Variants in PRSS23 observed in about 807,000 individuals in gnomAD.
PRSS23 encodes protease, serine 23.
In PRSS23, 25 loss-of-function variants were observed where a neutral mutation model predicts 34.7. The ratio of observed to expected loss-of-function variants is 0.72; its 90% CI spans 0.53 to 1.01. The LOEUF (loss-of-function observed/expected upper bound fraction) is 1.01. Ranked by LOEUF, PRSS23 falls within the 50% of genes least tolerant of loss-of-function variation. The probability of loss-of-function intolerance (pLI) is 0.00; values close to 1 mark genes in which losing one functional copy is unlikely to be tolerated. For synonymous variants in PRSS23, 176 were observed against 186.6 expected, an observed-to-expected ratio of 0.94 and a Z score of 0.46; for missense variants, 445 against 475.6, an observed-to-expected ratio of 0.94 and a Z score of 0.60.
intron 1 of PRSS23, among the ~76,000 whole-genome samples, chr11:86,818,849 A>G (rs972173116): frequency 3.3e-5 from 5 of 152,214 alleles, no homozygotes; most frequent in Non-Finnish European, 7.3e-5. Flanking sequence ...CTTAGTGTTA[A>G]TCAATACATG....
At chr11:86,894,044 C>G (rs1213500337) in intron 2 of PRSS23, among the ~76,000 whole-genome samples, 1 of 152,152 alleles carries the variant, frequency 6.6e-6, no homozygotes, top group Non-Finnish European at 1.5e-5. Flanking sequence ...GATGGAATCT[C>G]ACTCTGTCGC....
chr11:86,804,931 C>CT (rs1948081972), intron 1 of PRSS23, among the ~76,000 whole-genome samples: 1 of 152,180 alleles, frequency 6.6e-6, no homozygotes, highest in Admixed American at 6.5e-5. Flanking sequence ...CCTACTCTTT[C>CT]TCCCCCAAGA....
At chr11:86,919,132 C>T (rs547310672) in intron 2 of PRSS23, among the ~76,000 whole-genome samples, 4 of 152,316 alleles carry the variant, frequency 2.6e-5, no homozygotes, top group African/African-American at 9.6e-5. Context: ...TGCCTCATAG[C>T]TTCCCATCCC....
chr11:86,848,322 G>C (rs1182992417), intron 2 of PRSS23, among the ~76,000 whole-genome samples: 1 of 152,206 alleles, frequency 6.6e-6, no homozygotes, highest in African/African-American at 2.4e-5. Context: ...TAGTACCTTG[G>C]CCAGGTAAAC....
chr11:86,882,570 C>T (rs776258853), intron 2 of PRSS23, among the ~76,000 whole-genome samples: 5 of 151,866 alleles, frequency 3.3e-5, no homozygotes, highest in African/African-American at 4.8e-5. Context: ...TATTTCATGG[C>T]GTAAATGTAC....
Position 86,939,049 on chromosome 11 carries a change from T to C in PRSS23, c.207-12167T>C, listed in dbSNP as rs1034802193. 24 of 451,284 alleles carry C rather than the reference T, an allele frequency of 5.3e-5. 1 individual carries two copies. Among genetic ancestry groups the C allele is most frequent in the Middle Eastern group, 3.2e-4 (1 of 3,082 alleles). 28.0% of individuals were successfully genotyped at this position (451,284 alleles called of 1,614,324 possible). ...TCACATTTTTCATCCATTCTTAAAA[T>C]TGAGCCAGTTTAGCCCTAGGAGGTG... On this transcript the variant is annotated intron_variant, in intron 2 of 2. Transcript: ENST00000533902.
chr11:86,865,735 G>A (rs1024025636), intron 2 of PRSS23, among the ~76,000 whole-genome samples: 5 of 152,166 alleles, frequency 3.3e-5, no homozygotes, highest in African/African-American at 1.2e-4. Context: ...GCCAGCTCAG[G>A]TCCCTACTCC....
chr11:86,831,820 A>G (rs1948358950), intron 2 of PRSS23, among the ~76,000 whole-genome samples: 1 of 151,906 alleles, frequency 6.6e-6, no homozygotes, highest in African/African-American at 2.4e-5. Flanking sequence ...GCGGGTATAC[A>G]CCCTGTCATA....
At chr11:86,856,714 C>A (rs2134926757) in intron 2 of PRSS23, among the ~76,000 whole-genome samples, 1 of 152,220 alleles carries the variant, frequency 6.6e-6, no homozygotes, top group East Asian at 1.9e-4. Context: ...ACATTGTTTC[C>A]ATAAAGTCAA....
At chr11:86,945,151 A>G (rs1366360450) in intron 2 of PRSS23, among the ~76,000 whole-genome samples, 1 of 152,038 alleles carries the variant, frequency 6.6e-6, no homozygotes, top group Non-Finnish European at 1.5e-5. Flanking sequence ...CACTTTCCTG[A>G]TTGACAAATG....
chr11:86,879,532 G>T (rs1211148477), intron 2 of PRSS23, among the ~76,000 whole-genome samples: 2 of 128,226 alleles, frequency 1.6e-5, no homozygotes, highest in South Asian at 2.8e-4. Flanking sequence ...CAGCCGCCCC[G>T]TCCGGGAGGG....
At chr11:86,939,847 T>C (rs998509103) in intron 2 of PRSS23, among the ~76,000 whole-genome samples, 2 of 151,956 alleles carry the variant, frequency 1.3e-5, no homozygotes, top group Non-Finnish European at 2.9e-5. Context: ...GGAAAAATGT[T>C]ATACTGAATT....
At chr11:86,840,372 G>A (rs143579512) in intron 2 of PRSS23, among the ~76,000 whole-genome samples, 40 of 152,260 alleles carry the variant, frequency 2.6e-4, no homozygotes, top group African/African-American at 9.4e-4. Flanking sequence ...GACAAAGAAG[G>A]CCACTACATA....
chr11:86,948,366 A>G (rs1244876034), intron 2 of PRSS23: 1 of 152,096 alleles, frequency 6.6e-6, no homozygotes, highest in African/African-American at 2.4e-5. Flanking sequence ...GCTTTACTAC[A>G]GTCGGCACTC....
chr11:86,861,582 C>G (rs1291386930), intron 2 of PRSS23, among the ~76,000 whole-genome samples: 1 of 151,596 alleles, frequency 6.6e-6, no homozygotes, highest in Non-Finnish European at 1.5e-5. Context: ...GGGGCGGACA[C>G]CCTTCTGTGA....
chr11:86,915,952 A>G (rs1949010062), intron 2 of PRSS23, among the ~76,000 whole-genome samples: 1 of 152,058 alleles, frequency 6.6e-6, no homozygotes, highest in African/African-American at 2.4e-5. Context: ...CTACTCAGGA[A>G]GCTGAGGGAC....
At chr11:86,836,803 C>T (rs1042394717) in intron 2 of PRSS23, 3 of 152,156 alleles carry the variant, frequency 2.0e-5, no homozygotes, top group Admixed American at 2.0e-4. Flanking sequence ...CTGGCACTTG[C>T]CCCGGGCACC....
chr11:86,910,234 A>T (rs1478356707), intron 2 of PRSS23: 1 of 152,222 alleles, frequency 6.6e-6, no homozygotes, highest in African/African-American at 2.4e-5. Flanking sequence ...ACAATATTTC[A>T]TCAGGAGATA....
rs371117552 is a variant in PRSS23, at chr11:86,850,627, A to G, written c.206+27034A>G. ...AAACAGCAAAAATTTTGCTGTAAGT[A>G]TCCCTGTGTCCTCTCTCCCTTCCCC... On this transcript the variant is annotated intron_variant, in intron 2 of 2. Transcript: ENST00000533902. Among the ~76,000 whole-genome samples, 7 of 152,276 alleles carry G rather than the reference A, an allele frequency of 4.6e-5. No individual in the cohort carries two copies. In the East Asian group the frequency reaches 5.8e-4, roughly 13 times the overall value.
Sources: allele counts gnomAD v4.1 joint callset (sites outside exome capture counted in the v4.1 genomes callset), GRCh38; gene constraint gnomAD v4.1.1; transcripts MANE v1.5; gene names NCBI Gene and HGNC (gene_info 2026-07-23, HGNC 2026-07-21).